TCF20: variants seen among roughly 807,000 people sequenced by gnomAD.
TCF20 encodes transcription factor 20, also known as SPRE-binding protein.
In TCF20, 3 loss-of-function variants were observed where a neutral mutation model predicts 148.6. That is an observed-to-expected ratio of 0.02 (90% CI 0.01 to 0.05). The LOEUF is 0.05. TCF20 is among the 10% of genes least tolerant of loss of function. The pLI is 1.00. For synonymous variants in TCF20, 1,049 were observed against 909.5 expected, an observed-to-expected ratio of 1.15 and a Z score of -2.76; for missense variants, 2,350 against 2,429.3, an observed-to-expected ratio of 0.97 and a Z score of 0.69.
At chr22:42,242,235 G>GA (rs1253399986) in intron 1 of TCF20, among the ~76,000 whole-genome samples, 6 of 109,486 alleles carry the variant, frequency 5.5e-5, no homozygotes, top group African/African-American at 2.5e-4. Flanking sequence ...AAACAGAAAA[G>GA]AAAGGGTGAC....
intron 1 of TCF20, among the ~76,000 whole-genome samples, chr22:42,328,298 G>A (rs972163680): frequency 2.6e-5 from 4 of 152,178 alleles, no homozygotes; most frequent in Admixed American, 2.6e-4. Flanking sequence ...TTCAGCAAAT[G>A]AGCAGCCCTG....
intron 2 of TCF20, among the ~76,000 whole-genome samples, chr22:42,205,079 C>A (rs1395178035): frequency 6.6e-6 from 1 of 152,206 alleles, no homozygotes; most frequent in Non-Finnish European, 1.5e-5. Flanking sequence ...CACGCCTTGG[C>A]ATTCCTTAAT....
chr22:42,194,968 T>G (rs1314408376), intron 2 of TCF20, among the ~76,000 whole-genome samples: 1 of 151,544 alleles, frequency 6.6e-6, no homozygotes, highest in Admixed American at 6.6e-5. Flanking sequence ...TCACTGAACA[T>G]AAGGTGGGGC....
At chr22:42,234,112 G>A (rs546527876) in intron 1 of TCF20, among the ~76,000 whole-genome samples, 1 of 152,294 alleles carries the variant, frequency 6.6e-6, no homozygotes, top group East Asian at 1.9e-4. Flanking sequence ...AATTCAAAAT[G>A]CTCTTAACTG....
intron 2 of TCF20, among the ~76,000 whole-genome samples, chr22:42,180,014 C>A (rs183907018): frequency 2.8e-4 from 42 of 152,254 alleles, no homozygotes; most frequent in African/African-American, 9.6e-4. Context: ...GGTACCCCCG[C>A]CATCCACCCA....
intron 1 of TCF20, among the ~76,000 whole-genome samples, chr22:42,298,452 C>T (rs1156966637): frequency 1.3e-5 from 2 of 152,254 alleles, no homozygotes; most frequent in Admixed American, 6.5e-5. Context: ...AGGAGGAAAA[C>T]AAGGCACATG....
At chr22:42,281,901 C>T (rs1926910203) in intron 1 of TCF20, among the ~76,000 whole-genome samples, 2 of 152,162 alleles carry the variant, frequency 1.3e-5, no homozygotes, top group African/African-American at 4.8e-5. Flanking sequence ...CTTAAGTGTC[C>T]CTGTAACCAA....
At position 42,177,270 on chromosome 22, in the gene TCF20, C is replaced by G. The variant is rs529990726; in HGVS notation, c.5749+2339G>C. 8.7e-4 allele frequency among the ~76,000 whole-genome samples: 133 copies of G among 152,178 alleles called. 1 individual carries two copies. The highest frequency in any genetic ancestry group is 2.7e-3 in the African/African-American group (111 of 41,512). ...TCTCTACTAAAAATACAAAAATTAG[C>G]CGGGCATGGTGGTGGGCGCCTGTAG... On this transcript the variant is annotated intron_variant, in intron 3 of 5. Coordinates refer to ENST00000677622, the MANE Select transcript of TCF20 (RefSeq NM_001378418.1).
chr22:42,224,268 G>C (rs1460168332), intron 1 of TCF20, among the ~76,000 whole-genome samples: 4 of 152,020 alleles, frequency 2.6e-5, no homozygotes. Flanking sequence ...TCAGGAGATT[G>C]AGACCATCCT....
At chr22:42,169,718 G>T (rs1241462734) in intron 4 of TCF20, 129 bp downstream of exon 4, 1 of 888,834 alleles carries the variant, frequency 1.1e-6, no homozygotes, top group Non-Finnish European at 1.7e-6. Flanking sequence ...GCCAGGAGGG[G>T]ACTAACAGCC....
chr22:42,332,987 G>A (rs560573029), intron 1 of TCF20, among the ~76,000 whole-genome samples: 40 of 152,216 alleles, frequency 2.6e-4, no homozygotes, highest in Admixed American at 5.9e-4. Context: ...GTCTGGATCT[G>A]GATGGAGGCT....
At chr22:42,196,508 T>A (rs538711093) in intron 2 of TCF20, among the ~76,000 whole-genome samples, 1 of 152,342 alleles carries the variant, frequency 6.6e-6, no homozygotes, top group South Asian at 2.1e-4. Context: ...GGAACTGTCC[T>A]ATCACTTATC....
In TCF20 at chr22:42,204,849, A is replaced by G. The variant is rs147924505; in HGVS notation, c.5655+4802T>C. Among the ~76,000 whole-genome samples the G allele has an allele frequency of 6.7e-3, 1,023 of 152,350 alleles. 2 individuals carry two copies. The highest frequency in any genetic ancestry group is 0.012 in the Non-Finnish European group (805 of 68,034). On this transcript the variant is annotated intron_variant, in intron 2 of 5. Transcript: ENST00000677622. ...ACAGAGCAAGACTCATCTCAAAATAAAAATAAAAATAGAAAATAAAAATTA... is the reference window on the plus strand; with the variant it reads ...ACAGAGCAAGACTCATCTCAAAATAGAAATAAAAATAGAAAATAAAAATTA...
At chr22:42,183,505 C>T (rs1467307008) in intron 2 of TCF20, among the ~76,000 whole-genome samples, 1 of 152,094 alleles carries the variant, frequency 6.6e-6, no homozygotes, top group Non-Finnish European at 1.5e-5. Flanking sequence ...ATGCTGCTGG[C>T]CTGGAAGATG....
intron 1 of TCF20, among the ~76,000 whole-genome samples, chr22:42,334,441 T>C (rs1311073643): frequency 6.6e-6 from 1 of 152,138 alleles, no homozygotes; most frequent in Non-Finnish European, 1.5e-5. Context: ...GTCCTCCCCA[T>C]CACCTGGGGG....
chr22:42,323,917 ATG>A (rs1927793420), intron 1 of TCF20, among the ~76,000 whole-genome samples: 2 of 14,690 alleles, frequency 1.4e-4, no homozygotes, highest in Non-Finnish European at 1.7e-4. Flanking sequence ...GGTGGTGGTG[ATG>A]GAGGTTATGG....
intron 1 of TCF20, among the ~76,000 whole-genome samples, chr22:42,308,481 T>C (rs1205848561): frequency 6.6e-6 from 1 of 152,122 alleles, no homozygotes. Context: ...ACCCCCATTT[T>C]ACAAATGAAC....
intron 3 of TCF20, among the ~76,000 whole-genome samples, chr22:42,177,616 C>T (rs1235817862): frequency 6.6e-6 from 1 of 152,124 alleles, no homozygotes; most frequent in Non-Finnish European, 1.5e-5. Context: ...AAATGTTTCC[C>T]TTCTTTCAAC....
intron 1 of TCF20, among the ~76,000 whole-genome samples, chr22:42,323,437 G>A (rs1927771479): frequency 6.6e-6 from 1 of 151,774 alleles, no homozygotes; most frequent in South Asian, 2.1e-4. Flanking sequence ...GCATCACAGG[G>A]AAGGGGGCAC....
Sources: allele counts gnomAD v4.1 joint callset (sites outside exome capture counted in the v4.1 genomes callset), GRCh38; gene constraint gnomAD v4.1.1; transcripts MANE v1.5; gene names NCBI Gene and HGNC (gene_info 2026-07-23, HGNC 2026-07-21).